The following PPP1R14C variants were observed in gnomAD, a reference collection of about 807,000 sequenced individuals.
PPP1R14C encodes the protein protein phosphatase 1 regulatory inhibitor subunit 14C.
Under a neutral mutation model 20.4 loss-of-function variants are expected in PPP1R14C, and 16 were observed. The ratio of observed to expected loss-of-function variants is 0.78; its 90% CI spans 0.53 to 1.19. The LOEUF is 1.19. Ranked by LOEUF, PPP1R14C falls within the 50% of genes most tolerant of loss-of-function variation. The pLI, the probability that PPP1R14C is intolerant of heterozygous loss-of-function variation, is 0.00. For synonymous variants in PPP1R14C, 91 were observed against 91.0 expected, an observed-to-expected ratio of 1.00 and a Z score of 0.00; for missense variants, 211 against 220.1, an observed-to-expected ratio of 0.96 and a Z score of 0.26.
At chr6:150,229,657 A>C (rs1445623961) in intron 3 of PPP1R14C, among the ~76,000 whole-genome samples, 1 of 152,194 alleles carries the variant, frequency 6.6e-6, no homozygotes, top group Non-Finnish European at 1.5e-5. Flanking sequence ...AAGTGGACAA[A>C]CATCGTGTCA....
intron 1 of PPP1R14C, among the ~76,000 whole-genome samples, chr6:150,155,572 C>T (rs983468951): frequency 2.0e-5 from 3 of 152,178 alleles, no homozygotes; most frequent in Non-Finnish European, 4.4e-5. Context: ...CAGATACCTT[C>T]CATGTATTCT....
At chr6:150,199,274 A>G (rs1400952431) in intron 1 of PPP1R14C, among the ~76,000 whole-genome samples, 1 of 152,210 alleles carries the variant, frequency 6.6e-6, no homozygotes. Flanking sequence ...AGGCACGGCT[A>G]TCATTCGAAT....
At chr6:150,230,532 G>T (rs1172475504) in intron 3 of PPP1R14C, among the ~76,000 whole-genome samples, 2 of 152,136 alleles carry the variant, frequency 1.3e-5, no homozygotes, top group African/African-American at 4.8e-5. Flanking sequence ...CTCTGCGTAG[G>T]GAATGGATGG....
At chr6:150,195,262 C>T (rs997240217) in intron 1 of PPP1R14C, 1 of 673,196 alleles carries the variant, frequency 1.5e-6, no homozygotes, top group Non-Finnish European at 1.8e-6. Context: ...CCATGTTATA[C>T]ATGGGGGCTA....
chr6:150,174,543 G>T (rs1012005635), intron 1 of PPP1R14C, among the ~76,000 whole-genome samples: 1 of 151,730 alleles, frequency 6.6e-6, no homozygotes, highest in Non-Finnish European at 1.5e-5. Context: ...TTCTCAATTC[G>T]ACTGTAAGCT....
At chr6:150,158,270 G>A (rs1463674548) in intron 1 of PPP1R14C, among the ~76,000 whole-genome samples, 1 of 152,034 alleles carries the variant, frequency 6.6e-6, no homozygotes, top group Non-Finnish European at 1.5e-5. Context: ...ATTAAAGGTT[G>A]TTCTTTGACC....
At chr6:150,163,408 CA>C (rs1156912165) in intron 1 of PPP1R14C, among the ~76,000 whole-genome samples, 2 of 152,066 alleles carry the variant, frequency 1.3e-5, no homozygotes. Flanking sequence ...ACAACAACAA[CA>C]AAAAACTTTT....
intron 3 of PPP1R14C, among the ~76,000 whole-genome samples, chr6:150,248,363 T>C (rs1310738429): frequency 6.6e-6 from 1 of 152,142 alleles, no homozygotes; most frequent in African/African-American, 2.4e-5. Flanking sequence ...TGTGAGCTAG[T>C]TGGAAATGCA....
intron 1 of PPP1R14C, among the ~76,000 whole-genome samples, chr6:150,155,727 G>C (rs1217551339): frequency 6.6e-6 from 1 of 152,004 alleles, no homozygotes; most frequent in Non-Finnish European, 1.5e-5. Context: ...CATTTCTTAA[G>C]AAAAATGCAA....
intron 1 of PPP1R14C, among the ~76,000 whole-genome samples, chr6:150,182,710 A>G (rs1175640217): frequency 6.6e-6 from 1 of 152,226 alleles, no homozygotes; most frequent in Non-Finnish European, 1.5e-5. Context: ...TGAGGTGCAC[A>G]GTATAGTGGC....
At chr6:150,153,476 C>G (rs1777273342) in intron 1 of PPP1R14C, among the ~76,000 whole-genome samples, 1 of 152,190 alleles carries the variant, frequency 6.6e-6, no homozygotes, top group Non-Finnish European at 1.5e-5. Context: ...TCAGCATGTC[C>G]AAGAATTTTG....
At chr6:150,186,700 A>G (rs935059712) in intron 1 of PPP1R14C, among the ~76,000 whole-genome samples, 7 of 152,102 alleles carry the variant, frequency 4.6e-5, no homozygotes, top group Admixed American at 2.6e-4. Flanking sequence ...GAGGCGGGGG[A>G]TGACCTGAAG....
intron 1 of PPP1R14C, among the ~76,000 whole-genome samples, chr6:150,192,602 A>G (rs376282471): frequency 6.6e-6 from 1 of 152,220 alleles, no homozygotes; most frequent in African/African-American, 2.4e-5. Flanking sequence ...CAAATTACCT[A>G]TCTGCTCCAG....
At chr6:150,236,156 C>T (rs971052068) in intron 3 of PPP1R14C, among the ~76,000 whole-genome samples, 2 of 152,130 alleles carry the variant, frequency 1.3e-5, no homozygotes, top group African/African-American at 4.8e-5. Flanking sequence ...CATTGAGCTG[C>T]TGTGTGACCT....
At chr6:150,168,431 G>A (rs1276706528) in intron 1 of PPP1R14C, among the ~76,000 whole-genome samples, 1 of 152,094 alleles carries the variant, frequency 6.6e-6, no homozygotes, top group East Asian at 1.9e-4. Flanking sequence ...TACTTGGGAG[G>A]CTGAGGCAGG....
At position 150,237,675 on chromosome 6, in the gene PPP1R14C, A is replaced by G. The variant is rs186563985; in HGVS notation, c.424-11071A>G. Among the ~76,000 whole-genome samples the G allele has an allele frequency of 3.4e-3, 524 of 152,284 alleles. 4 individuals carry two copies. The highest frequency in any genetic ancestry group is 0.012 in the African/African-American group (488 of 41,550). ...ATTCATCTCATCATTTAATCCTTAC[A>G]GCATCCTTGAGGTGAGGTCTTATTG... On this transcript the variant is annotated intron_variant, in intron 3 of 3. Coordinates refer to ENST00000361131, the MANE Select transcript of PPP1R14C (RefSeq NM_030949.3).
chr6:150,187,645 G>A lies in PPP1R14C; in HGVS notation c.307-27099G>A, dbSNP rs543353118. Among the ~76,000 whole-genome samples the A allele has an allele frequency of 1.5e-4, 23 of 152,264 alleles. 1 individual carries two copies. The highest frequency in any genetic ancestry group is 4.8e-5 in the African/African-American group (2 of 41,552). On this transcript the variant is annotated intron_variant, in intron 1 of 3. Coordinates refer to ENST00000361131, the MANE Select transcript of PPP1R14C (RefSeq NM_030949.3). ...ATGATCTCTTTCTTTTTATGGCTGC[G>A]TAGTATTCTATGGTGTATATGTACC...
intron 1 of PPP1R14C, among the ~76,000 whole-genome samples, chr6:150,166,962 G>A (rs1412329900): frequency 6.6e-6 from 1 of 152,198 alleles, no homozygotes; most frequent in Non-Finnish European, 1.5e-5. Context: ...CAGGCGCGGT[G>A]GCTCACGTCT....
chr6:150,220,746 A>G (rs937417737), intron 3 of PPP1R14C, among the ~76,000 whole-genome samples: 3 of 152,222 alleles, frequency 2.0e-5, no homozygotes, highest in Non-Finnish European at 4.4e-5. Flanking sequence ...CAGTAAAAGC[A>G]CTGCATTTTC....
Sources: allele counts gnomAD v4.1 joint callset (sites outside exome capture counted in the v4.1 genomes callset), GRCh38; gene constraint gnomAD v4.1.1; transcripts MANE v1.5; gene names NCBI Gene and HGNC (gene_info 2026-07-23, HGNC 2026-07-21).